Variants in NEK3 observed in about 807,000 individuals in gnomAD.
NEK3 encodes serine/threonine-protein kinase Nek3.
NEK3 carries 54 observed loss-of-function variants against 66.0 expected under a neutral mutation model. The ratio of observed to expected loss-of-function variants is 0.82; its 90% CI spans 0.66 to 1.03. NEK3 has a LOEUF of 1.03. Among genes scored for constraint, NEK3 ranks in the 50% least tolerant of loss-of-function variants. The pLI is 0.00. For synonymous variants in NEK3, 200 were observed against 206.2 expected, an observed-to-expected ratio of 0.97 and a Z score of 0.26; for missense variants, 593 against 603.0, an observed-to-expected ratio of 0.98 and a Z score of 0.17.
intron 14 of NEK3, among the ~76,000 whole-genome samples, chr13:52,134,214 G>A (rs945710054): frequency 3.9e-5 from 6 of 151,978 alleles, no homozygotes; most frequent in African/African-American, 1.4e-4. Context: ...TAGTAGAGGC[G>A]AGGTCTCGCT....
At chr13:52,141,721 G>C (rs1267084880) in intron 10 of NEK3, among the ~76,000 whole-genome samples, 1 of 151,878 alleles carries the variant, frequency 6.6e-6, no homozygotes, top group Non-Finnish European at 1.5e-5. Flanking sequence ...GATGCCATCA[G>C]ACATATGGTC....
At chr13:52,136,594 G>C (rs955273611) in intron 12 of NEK3, among the ~76,000 whole-genome samples, 2 of 151,902 alleles carry the variant, frequency 1.3e-5, no homozygotes, top group Non-Finnish European at 2.9e-5. Context: ...AATAAATACT[G>C]CTCTTTCTAA....
chr13:52,154,751 A>C (rs1172253044), intron 2 of NEK3, among the ~76,000 whole-genome samples: 1 of 150,762 alleles, frequency 6.6e-6, no homozygotes, highest in African/African-American at 2.4e-5. Context: ...TTCATCTTAC[A>C]ATCAAGAAAT....
intron 7 of NEK3, among the ~76,000 whole-genome samples, chr13:52,148,971 A>C (rs1463443715): frequency 6.6e-6 from 1 of 152,102 alleles, no homozygotes; most frequent in Non-Finnish European, 1.5e-5. Context: ...GGCTCACTGC[A>C]AGCTCTGCCT....
intron 1 of NEK3, chr13:52,157,048 G>C (rs1358817220): frequency 6.6e-6 from 1 of 152,182 alleles, no homozygotes; most frequent in East Asian, 1.9e-4. Flanking sequence ...AGGAGGAAAA[G>C]AGTAATCAAG....
At chr13:52,142,773 T>C (rs918794905) in intron 10 of NEK3, among the ~76,000 whole-genome samples, 3 of 152,224 alleles carry the variant, frequency 2.0e-5, no homozygotes, top group Non-Finnish European at 4.4e-5. Flanking sequence ...CAGTGAATGA[T>C]CTCCTACACT....
In NEK3 at chr13:52,133,133, C is replaced by A. The variant is rs766915816; in HGVS notation, c.*9G>T. ...TCCTCAGCGTGACTCAGGAACATTT[C>A]CTCAGGCATTATCTGTCGCACAGGC... On this transcript the variant is annotated 3_prime_UTR_variant, in exon 16 of 16. Coordinates refer to ENST00000610828, the MANE Select transcript of NEK3 (RefSeq NM_002498.3). 4 of 1,605,082 alleles carry A rather than the reference C, an allele frequency of 2.5e-6. No individual in the cohort carries two copies. Among genetic ancestry groups the A allele is most frequent in the Non-Finnish European group, 2.6e-6 (3 of 1,175,502 alleles).
chr13:52,148,256 A>G (rs1956310721), intron 8 of NEK3, 159 bp downstream of exon 8: 3 of 577,746 alleles, frequency 5.2e-6, no homozygotes, highest in Non-Finnish European at 9.1e-6. Context: ...AGTATATGCT[A>G]CAAAACTAAC....
At chr13:52,134,451 T>C (rs1956185428) in intron 14 of NEK3, among the ~76,000 whole-genome samples, 1 of 152,192 alleles carries the variant, frequency 6.6e-6, no homozygotes, top group Admixed American at 6.5e-5. Context: ...TAATTTCTTT[T>C]TTCCTTTGAA....
chr13:52,142,679 T>C (rs941571847), intron 10 of NEK3, among the ~76,000 whole-genome samples: 1 of 152,208 alleles, frequency 6.6e-6, no homozygotes, highest in Non-Finnish European at 1.5e-5. Flanking sequence ...ACAATACAGT[T>C]CTCAAAATGT....
At chr13:52,145,798 C>T (rs1204684960) in intron 8 of NEK3, among the ~76,000 whole-genome samples, 1 of 152,080 alleles carries the variant, frequency 6.6e-6, no homozygotes, top group African/African-American at 2.4e-5. Flanking sequence ...CTTGGTAATG[C>T]TTATGAAAGA....
At chr13:52,158,912 G>A (rs1453614448) in intron 1 of NEK3, among the ~76,000 whole-genome samples, 1 of 152,078 alleles carries the variant, frequency 6.6e-6, no homozygotes, top group Non-Finnish European at 1.5e-5. Context: ...TCTTATTCTA[G>A]CACAGAGGCT....
intron 15 of NEK3, 131 bp from the exon 16 acceptor site, chr13:52,133,357 GA>G (rs1174404305): frequency 1.3e-6 from 1 of 754,164 alleles, no homozygotes; most frequent in Non-Finnish European, 2.1e-6. Context: ...CAACTGAAGG[GA>G]AAAAATTGCC....
chr13:52,158,127 T>A (rs1191511013), intron 1 of NEK3, among the ~76,000 whole-genome samples: 1 of 152,226 alleles, frequency 6.6e-6, no homozygotes, highest in African/African-American at 2.4e-5. Context: ...TCCGCCCGCC[T>A]CGGCCTCCCA....
intron 11 of NEK3, among the ~76,000 whole-genome samples, chr13:52,140,049 C>A (rs1215474812): frequency 3.6e-3 from 313 of 86,358 alleles, no homozygotes; most frequent in African/African-American, 6.1e-3. Flanking sequence ...AAAAAAATGC[C>A]AAAAAAAAAA....
intron 8 of NEK3, among the ~76,000 whole-genome samples, chr13:52,145,926 C>T (rs1956292299): frequency 6.6e-6 from 1 of 152,152 alleles, no homozygotes; most frequent in Non-Finnish European, 1.5e-5. Flanking sequence ...GTACTCTGAA[C>T]ATGTACCCCA....
Position 52,154,066 on chromosome 13 carries a change from G to A in NEK3, c.211+14C>T, listed in dbSNP as rs758674475. On this transcript the variant is annotated intron_variant, in intron 3 of 15. Transcript: ENST00000610828. ...AATTCAGAAATGCACATATCTGGGGGAATTCGTATTTACCTTCAAATGATT... is the reference window on the plus strand; with the variant it reads ...AATTCAGAAATGCACATATCTGGGGAAATTCGTATTTACCTTCAAATGATT... The A allele has an allele frequency of 6.2e-7, 1 of 1,605,384 alleles. No homozygotes were observed. The highest frequency in any genetic ancestry group is 1.3e-5 in the African/African-American group (1 of 74,780).
chr13:52,133,953 A>G (rs1956180334), intron 14 of NEK3, 138 bp from the exon 15 acceptor site: 3 of 786,132 alleles, frequency 3.8e-6, no homozygotes, highest in Non-Finnish European at 5.9e-6. Flanking sequence ...GTCTCCCCAC[A>G]TTACCCAACA....
At chr13:52,153,842 T>G in intron 4 of NEK3, 53 bp downstream of exon 4, 150 of 1,159,556 alleles carry the variant, frequency 1.3e-4, no homozygotes, top group Non-Finnish European at 1.8e-4. Flanking sequence ...ATAAAGTTTA[T>G]GAGAAAAGTG....
Sources: allele counts gnomAD v4.1 joint callset (sites outside exome capture counted in the v4.1 genomes callset), GRCh38; gene constraint gnomAD v4.1.1; transcripts MANE v1.5; gene names NCBI Gene and HGNC (gene_info 2026-07-23, HGNC 2026-07-21).